The following NACC2 variants were observed in gnomAD, a reference collection of about 807,000 sequenced individuals.
NACC2 encodes nucleus accumbens-associated protein 2.
A neutral mutation model predicts 25.1 loss-of-function variants in NACC2; 8 were observed. That is an observed-to-expected ratio of 0.32 (90% CI 0.19 to 0.57). NACC2 has a LOEUF of 0.57. Ranked by LOEUF, NACC2 falls within the 20% of genes least tolerant of loss-of-function variation. The pLI is 0.89. For missense variants in NACC2, 644 were observed against 650.2 expected, an observed-to-expected ratio of 0.99 and a Z score of 0.10; for synonymous variants, 435 against 294.7, an observed-to-expected ratio of 1.48 and a Z score of -4.88.
intron 2 of NACC2, among the ~76,000 whole-genome samples, chr9:136,029,744 C>G (rs1207842851): frequency 2.0e-5 from 3 of 152,186 alleles, no homozygotes; most frequent in Non-Finnish European, 2.9e-5. Flanking sequence ...GGAGCCGGCG[C>G]CTGTGCCAGT....
At position 136,023,196 on chromosome 9, in the gene NACC2, C is replaced by G. The variant is rs377621182; in HGVS notation, c.887-6767G>C. ...CTGGAAACCCGGATGGAAAGGGGCT[C>G]GCTGGTCTCTCGAGTCCCCATGCCC... On this transcript the variant is annotated intron_variant, in intron 2 of 5. Coordinates refer to ENST00000277554, the MANE Select transcript of NACC2 (RefSeq NM_144653.5). 4.1e-5 allele frequency among the ~76,000 whole-genome samples: 6 copies of G among 147,926 alleles called. No homozygotes were observed. In the South Asian group the frequency reaches 6.6e-4, roughly 16 times the overall value.
chr9:136,024,578 G>C (rs571243485), intron 2 of NACC2, among the ~76,000 whole-genome samples: 1 of 152,082 alleles, frequency 6.6e-6, no homozygotes, highest in Non-Finnish European at 1.5e-5. Context: ...GAGTGTGTGT[G>C]TAAGGACAGA....
intron 1 of NACC2, among the ~76,000 whole-genome samples, chr9:136,082,864 T>A (rs975821653): frequency 6.6e-6 from 1 of 152,208 alleles, no homozygotes; most frequent in Non-Finnish European, 1.5e-5. Flanking sequence ...CCATCTTCCA[T>A]AAGCAGCTGA....
At chr9:136,044,027 G>A (rs1395737518) in intron 2 of NACC2, among the ~76,000 whole-genome samples, 2 of 152,178 alleles carry the variant, frequency 1.3e-5, no homozygotes, top group Admixed American at 6.5e-5. Flanking sequence ...GTTTCGCCAT[G>A]TTGGCCAGCC....
At chr9:136,046,606 G>A (rs535622675) in intron 2 of NACC2, among the ~76,000 whole-genome samples, 63 of 152,330 alleles carry the variant, frequency 4.1e-4, no homozygotes, top group Middle Eastern at 3.4e-3. Flanking sequence ...GGGTGGGGGG[G>A]CTTGAACTCG....
In NACC2 at chr9:136,055,266, C is replaced by T. The variant is rs919918087; in HGVS notation, c.-59-4686G>A. On this transcript the variant is annotated intron_variant, in intron 1 of 5. Coordinates refer to ENST00000277554, the MANE Select transcript of NACC2 (RefSeq NM_144653.5). This position sits in a 1 kb window ranked among gnomAD's most constrained non-coding sequence, Gnocchi z 4.9. ...AGGGGTTGGGGCAGCGTCTCCAGAA[C>T]GACCCCCCTGCCTGAGTGTCGTCCC... Among the ~76,000 whole-genome samples the T allele has an allele frequency of 2.0e-5, 3 of 152,142 alleles. No homozygotes were observed. Among genetic ancestry groups the T allele is most frequent in the African/African-American group, 7.2e-5 (3 of 41,432 alleles).
chr9:136,037,366 G>C (rs1274139719), intron 2 of NACC2, among the ~76,000 whole-genome samples: 1 of 151,904 alleles, frequency 6.6e-6, no homozygotes, highest in Non-Finnish European at 1.5e-5. Flanking sequence ...TGGAACTACA[G>C]GCACACACCA....
intron 2 of NACC2, among the ~76,000 whole-genome samples, chr9:136,043,158 T>C (rs1840670486): frequency 6.6e-6 from 1 of 152,206 alleles, no homozygotes; most frequent in Non-Finnish European, 1.5e-5. Context: ...AAACTTCTGG[T>C]CTTTGAGAGT....
chr9:136,071,542 CAAAAA>C (rs34087690), intron 1 of NACC2, among the ~76,000 whole-genome samples: 380 of 83,268 alleles, frequency 4.6e-3, no homozygotes, highest in African/African-American at 0.012. Flanking sequence ...GACTCCATCT[CAAAAA>C]AAAAAAAAAA....
At chr9:136,054,579 A>G (rs1215437351) in intron 1 of NACC2, among the ~76,000 whole-genome samples, 1 of 152,118 alleles carries the variant, frequency 6.6e-6, no homozygotes, top group Non-Finnish European at 1.5e-5. Context: ...GAGGGGGCCG[A>G]GGGCCCAGGT....
chr9:136,055,621 C>T lies in NACC2; in HGVS notation c.-59-5041G>A, dbSNP rs1440172731. On this transcript the variant is annotated intron_variant, in intron 1 of 5. Transcript: ENST00000277554. This position sits in a 1 kb window ranked among gnomAD's most constrained non-coding sequence, Gnocchi z 4.9. ...GCACTGAATTTCTGCAGGATCACCA[C>T]CAGCAAGGGGAAGGGAGGCGAGAAA... 1.3e-5 allele frequency among the ~76,000 whole-genome samples: 2 copies of T among 152,180 alleles called. No homozygotes were observed.
intron 2 of NACC2, among the ~76,000 whole-genome samples, chr9:136,045,684 G>T (rs913066321): frequency 6.6e-6 from 1 of 152,246 alleles, no homozygotes; most frequent in African/African-American, 2.4e-5. Context: ...CGACCTCAGC[G>T]GTCTGCCATG....
intron 1 of NACC2, among the ~76,000 whole-genome samples, chr9:136,090,069 GAAATT>G (rs1830419669): frequency 6.6e-6 from 1 of 152,016 alleles, no homozygotes; most frequent in African/African-American, 2.4e-5. Flanking sequence ...CAATGGAAAT[GAAATT>G]AAATGAGCAA....
At chr9:136,037,895 A>C (rs1197478593) in intron 2 of NACC2, among the ~76,000 whole-genome samples, 1 of 148,044 alleles carries the variant, frequency 6.8e-6, no homozygotes, top group Non-Finnish European at 1.5e-5. Context: ...TACAAAATCC[A>C]GTACACACAT....
intron 2 of NACC2, among the ~76,000 whole-genome samples, chr9:136,037,932 T>C (rs1159683714): frequency 6.6e-6 from 1 of 152,172 alleles, no homozygotes; most frequent in East Asian, 1.9e-4. Flanking sequence ...TTCATAATTA[T>C]TAAAAACCTA....
chr9:136,025,261 T>C (rs1840370788), intron 2 of NACC2, among the ~76,000 whole-genome samples: 1 of 152,130 alleles, frequency 6.6e-6, no homozygotes, highest in Admixed American at 6.5e-5. Context: ...ACTGCAGACC[T>C]TCACGCAACA....
At chr9:136,092,734 T>C (rs1428334351) in intron 1 of NACC2, among the ~76,000 whole-genome samples, 3 of 152,130 alleles carry the variant, frequency 2.0e-5, no homozygotes, top group Admixed American at 6.5e-5. Flanking sequence ...TTCCCAAATG[T>C]GTTCGTTACA....
intron 1 of NACC2, among the ~76,000 whole-genome samples, chr9:136,051,861 G>C (rs1280965440): frequency 7.3e-5 from 11 of 150,000 alleles, no homozygotes; most frequent in Middle Eastern, 3.5e-3. Context: ...GGCGGGGAGG[G>C]CGCAGGGAGC....
intron 1 of NACC2, among the ~76,000 whole-genome samples, chr9:136,065,813 A>G (rs1368404354): frequency 6.7e-6 from 1 of 148,774 alleles, no homozygotes; most frequent in Non-Finnish European, 1.5e-5. Flanking sequence ...CCTGTCTCCA[A>G]AAAAAAAAAA....
Sources: gnomAD v4.1 joint callset for allele counts (sites outside exome capture counted in the v4.1 genomes callset) on GRCh38, gnomAD v4.1.1 for gene constraint, Gnocchi (gnomAD v3.1) non-coding constraint, MANE v1.5 for transcripts, NCBI Gene and HGNC (gene_info 2026-07-23, HGNC 2026-07-21) for gene names.